SGIP1: variants seen among roughly 807,000 people sequenced by gnomAD.
The protein encoded by SGIP1 is SH3-containing GRB2-like protein 3-interacting protein 1.
In SGIP1, 38 loss-of-function variants were observed where a neutral mutation model predicts 107.5. The ratio of observed to expected loss-of-function variants is 0.35; its 90% CI spans 0.27 to 0.46. The LOEUF (loss-of-function observed/expected upper bound fraction) is 0.46. SGIP1 is among the 20% of genes least tolerant of loss of function. The pLI, the probability that SGIP1 is intolerant of heterozygous loss-of-function variation, is 1.00. For synonymous variants in SGIP1, 365 were observed against 366.1 expected (o/e 1.00, Z 0.03); for missense variants, 929 against 1,019.5 (o/e 0.91, Z 1.21).
chr1:66,689,392 A>T (rs1162784961), intron 16 of SGIP1, 117 bp downstream of exon 16: 3 of 1,330,690 alleles, frequency 2.3e-6, no homozygotes, highest in Admixed American at 2.4e-5. Flanking sequence ...GACAGGTGGC[A>T]TCTGAAAGAC....
intron 18 of SGIP1, among the ~76,000 whole-genome samples, chr1:66,714,821 T>C (rs975673165): frequency 6.6e-6 from 1 of 152,110 alleles, no homozygotes; most frequent in Non-Finnish European, 1.5e-5. Context: ...GTTAATATTA[T>C]TTCAGTTATT....
chr1:66,659,826 C>G (rs1002632069), intron 7 of SGIP1, among the ~76,000 whole-genome samples: 2 of 150,884 alleles, frequency 1.3e-5, no homozygotes, highest in African/African-American at 4.9e-5. Context: ...GGGAGGATCT[C>G]TTGAAACCAG....
At chr1:66,737,519 C>T (rs2094308798) in intron 21 of SGIP1, among the ~76,000 whole-genome samples, 5 of 151,954 alleles carry the variant, frequency 3.3e-5, no homozygotes, top group African/African-American at 9.7e-5. Flanking sequence ...ATAATGAGAC[C>T]CCATCTCTAC....
At chr1:66,562,072 T>C (rs997896974) in intron 1 of SGIP1, among the ~76,000 whole-genome samples, 4 of 151,846 alleles carry the variant, frequency 2.6e-5, no homozygotes, top group Admixed American at 2.0e-4. Context: ...TCAGTTTAAA[T>C]AGGTGTGGGA....
intron 4 of SGIP1, among the ~76,000 whole-genome samples, chr1:66,637,702 A>G (rs977403935): frequency 6.6e-6 from 1 of 151,570 alleles, no homozygotes; most frequent in Admixed American, 6.6e-5. Context: ...AGTATTAGAT[A>G]TATGTTGTCA....
At chr1:66,547,214 A>G (rs908798720) in intron 1 of SGIP1, among the ~76,000 whole-genome samples, 2 of 152,130 alleles carry the variant, frequency 1.3e-5, no homozygotes, top group Admixed American at 6.5e-5. Flanking sequence ...ATGTCTACAA[A>G]TGATTTTTTT....
chr1:66,632,973 G>C (rs1340461252), intron 2 of SGIP1, 97 bp from the exon 3 acceptor site: 2 of 796,010 alleles, frequency 2.5e-6, no homozygotes, highest in Non-Finnish European at 4.4e-6. Flanking sequence ...GCTGGGGAAG[G>C]GGAGGATGGT....
chr1:66,577,682 G>C (rs1346542887), intron 1 of SGIP1, among the ~76,000 whole-genome samples: 1 of 151,900 alleles, frequency 6.6e-6, no homozygotes, highest in African/African-American at 2.4e-5. Flanking sequence ...TTTGAACATA[G>C]GAAGTGCTCA....
chr1:66,589,198 A>ATGTGTG (rs1557990031), intron 1 of SGIP1, among the ~76,000 whole-genome samples: 14 of 60,110 alleles, frequency 2.3e-4, no homozygotes, highest in Middle Eastern at 8.3e-3. Context: ...ATATATATAT[A>ATGTGTG]TATATATATA....
intron 17 of SGIP1, among the ~76,000 whole-genome samples, chr1:66,691,560 T>A (rs1205504136): frequency 6.6e-6 from 1 of 152,206 alleles, no homozygotes; most frequent in African/African-American, 2.4e-5. Context: ...CAACATCAAC[T>A]GGGGCAATTT....
intron 3 of SGIP1, chr1:66,633,998 G>T: frequency 7.7e-7 from 1 of 1,294,172 alleles, no homozygotes; most frequent in Non-Finnish European, 1.1e-6. Flanking sequence ...TTGCCTTCAT[G>T]TGGTTCTTAC....
intron 1 of SGIP1, among the ~76,000 whole-genome samples, chr1:66,621,965 G>A (rs1402570238): frequency 6.6e-6 from 1 of 152,118 alleles, no homozygotes; most frequent in Admixed American, 6.5e-5. Context: ...AGAGTCTGAA[G>A]GTTTTTGAAG....
At chr1:66,728,557 A>G (rs1297096846) in intron 19 of SGIP1, among the ~76,000 whole-genome samples, 1 of 152,198 alleles carries the variant, frequency 6.6e-6, no homozygotes, top group Non-Finnish European at 1.5e-5. Flanking sequence ...TTCCTCAAAG[A>G]ACTAAAAACA....
intron 1 of SGIP1, among the ~76,000 whole-genome samples, chr1:66,610,972 G>T (rs2149148759): frequency 6.6e-6 from 1 of 151,932 alleles, no homozygotes; most frequent in South Asian, 2.1e-4. Context: ...ATGGACTTTG[G>T]AAACTCGGTG....
chr1:66,659,796 G>A (rs1391834000), intron 7 of SGIP1, among the ~76,000 whole-genome samples: 1 of 151,202 alleles, frequency 6.6e-6, no homozygotes, highest in African/African-American at 2.4e-5. Context: ...TGTAGTCCTA[G>A]CTACATGGGA....
At chr1:66,665,205 G>C (rs558710278) in intron 8 of SGIP1, among the ~76,000 whole-genome samples, 2 of 152,098 alleles carry the variant, frequency 1.3e-5, no homozygotes, top group Admixed American at 1.3e-4. Flanking sequence ...TCCCACCTAA[G>C]AGTGAGAACA....
At chr1:66,696,164 A>G (rs1198383210) in intron 18 of SGIP1, among the ~76,000 whole-genome samples, 7 of 152,186 alleles carry the variant, frequency 4.6e-5, no homozygotes, top group African/African-American at 1.4e-4. Context: ...TTCTTTGATC[A>G]TTTGTTATAT....
At chr1:66,549,564 G>A (rs562722608) in intron 1 of SGIP1, among the ~76,000 whole-genome samples, 87 of 152,094 alleles carry the variant, frequency 5.7e-4, no homozygotes, top group African/African-American at 2.0e-3. Context: ...CATATTTCCT[G>A]TTACTTTTAC....
intron 12 of SGIP1, 171 bp from the exon 13 acceptor site, chr1:66,676,833 C>G (rs2085479733): frequency 1.7e-6 from 1 of 602,990 alleles, no homozygotes; most frequent in Non-Finnish European, 2.9e-6. Flanking sequence ...ACTCCTATTT[C>G]TATTCTCTGC....
Sources: gnomAD v4.1 joint callset for allele counts (sites outside exome capture counted in the v4.1 genomes callset) on GRCh38, gnomAD v4.1.1 for gene constraint, MANE v1.5 for transcripts, NCBI Gene and HGNC (gene_info 2026-07-23, HGNC 2026-07-21) for gene names.